Variants in TTC28 observed in about 807,000 individuals in gnomAD.
TTC28 encodes tetratricopeptide repeat protein 28.
A neutral mutation model predicts 198.0 loss-of-function variants in TTC28; 61 were observed. The ratio of observed to expected loss-of-function variants is 0.31; its 90% CI spans 0.25 to 0.38. The LOEUF (loss-of-function observed/expected upper bound fraction) is 0.38, where lower values mean the gene tolerates loss of function less well. Among genes scored for constraint, TTC28 ranks in the 10% least tolerant of loss-of-function variants. The pLI, the probability that TTC28 is intolerant of heterozygous loss-of-function variation, is 1.00. For missense variants in TTC28, 2,678 were observed against 3,164.0 expected, an observed-to-expected ratio of 0.85 and a Z score of 3.69; for synonymous variants, 1,171 against 1,297.8, an observed-to-expected ratio of 0.90 and a Z score of 2.10.
chr22:28,019,990 ACTC>A (rs948323784), intron 13 of TTC28, among the ~76,000 whole-genome samples: 7 of 152,118 alleles, frequency 4.6e-5, no homozygotes, highest in African/African-American at 1.4e-4. Flanking sequence ...CTGTGAGGTT[ACTC>A]CTCCTCTTCA....
chr22:28,166,187 G>A (rs2147066340), intron 5 of TTC28, among the ~76,000 whole-genome samples: 1 of 152,198 alleles, frequency 6.6e-6, no homozygotes, highest in Non-Finnish European at 1.5e-5. Context: ...AGCCCTTAGT[G>A]GCCTACAAAG....
intron 2 of TTC28, among the ~76,000 whole-genome samples, chr22:28,422,811 T>C (rs2146176688): frequency 6.6e-6 from 1 of 152,310 alleles, no homozygotes; most frequent in Admixed American, 6.5e-5. Context: ...CAGATGAATT[T>C]CTTATTTTGC....
intron 2 of TTC28, among the ~76,000 whole-genome samples, chr22:28,445,179 A>G (rs2146239471): frequency 6.6e-6 from 1 of 152,236 alleles, no homozygotes; most frequent in East Asian, 1.9e-4. Flanking sequence ...TACTGCTGAC[A>G]TCTGAAGCCA....
intron 2 of TTC28, among the ~76,000 whole-genome samples, chr22:28,616,411 A>G (rs946888395): frequency 6.6e-6 from 1 of 152,216 alleles, no homozygotes; most frequent in African/African-American, 2.4e-5. Context: ...ATATTTTATT[A>G]CTATTATAAT....
At chr22:28,145,181 G>A (rs561613167) in intron 6 of TTC28, among the ~76,000 whole-genome samples, 47 of 152,208 alleles carry the variant, frequency 3.1e-4, no homozygotes, top group Non-Finnish European at 5.6e-4. Context: ...ATATTAATAC[G>A]GCTCTAGTCA....
At chr22:28,082,627 T>C (rs976457788) in intron 12 of TTC28, among the ~76,000 whole-genome samples, 1 of 152,228 alleles carries the variant, frequency 6.6e-6, no homozygotes, top group African/African-American at 2.4e-5. Flanking sequence ...ATCCTTTTAA[T>C]GTATTATTGA....
chr22:28,378,285 G>T (rs951678538), intron 2 of TTC28, among the ~76,000 whole-genome samples: 1 of 148,438 alleles, frequency 6.7e-6, no homozygotes. Context: ...GGCGGAGGTT[G>T]CAGTGAGCCA....
chr22:27,983,554 C>T lies in TTC28; in HGVS notation c.6113G>A (p.Arg2038Lys). The T allele has an allele frequency of 6.4e-7, 1 of 1,551,294 alleles. No homozygotes were observed. The highest frequency in any genetic ancestry group is 1.2e-5 in the South Asian group (1 of 84,016). ...GCGGGTCTGGGGAGGCAGCTGGCTCCTAGGCAGGGTGGATCTCTGCAGGTA... is the reference window on the plus strand; with the variant it reads ...GCGGGTCTGGGGAGGCAGCTGGCTCTTAGGCAGGGTGGATCTCTGCAGGTA... The part of the protein sequence containing the change: ...NAYLQRSTLP[R>K]SQLPPQTRPA... The change falls in exon 23 of 23, where the codon AGG becomes AAG. Residue 2038 changes from arginine to lysine, a missense_variant. Around this residue, in one of 8 missense-constraint regions of TTC28, gnomAD observed 622 missense variants for 656.0 expected, o/e 0.95. Transcript: ENST00000397906.
intron 2 of TTC28, among the ~76,000 whole-genome samples, chr22:28,564,385 C>T (rs900178699): frequency 2.6e-5 from 4 of 152,050 alleles, no homozygotes; most frequent in African/African-American, 9.7e-5. Flanking sequence ...TTACAAGATA[C>T]CACATCAAAC....
chr22:28,369,749 T>G (rs1451763190), intron 2 of TTC28, among the ~76,000 whole-genome samples: 1 of 152,220 alleles, frequency 6.6e-6, no homozygotes, highest in African/African-American at 2.4e-5. Flanking sequence ...ACCATTTATA[T>G]AGAACTCCCT....
chr22:28,109,500 C>T (rs1942423277), intron 6 of TTC28, among the ~76,000 whole-genome samples: 1 of 152,218 alleles, frequency 6.6e-6, no homozygotes, highest in Admixed American at 6.5e-5. Flanking sequence ...TCTTGTAATT[C>T]TGCTATACTG....
intron 2 of TTC28, among the ~76,000 whole-genome samples, chr22:28,590,447 C>T (rs1470580066): frequency 6.6e-6 from 1 of 152,038 alleles, no homozygotes; most frequent in Non-Finnish European, 1.5e-5. Context: ...CTAAATCTTA[C>T]AGGAGGCTTC....
Position 28,163,645 on chromosome 22 carries a change from G to T in TTC28, c.934-46C>A, listed in dbSNP as rs559885317. On this transcript the variant is annotated intron_variant, in intron 5 of 22. Transcript: ENST00000397906. ...TGGAGAAATGAAAACACATCAGAAT[G>T]GTTTTGGTATATTTTGGCAGATAAA... 1.6e-4 allele frequency: 236 copies of T among 1,468,778 alleles called. 1 individual carries two copies. In the African/African-American group the frequency reaches 3.0e-3, roughly 19 times the overall value. The allele number at this position is 1,468,778 out of a possible 1,614,324, so 91.0% of individuals were successfully genotyped here.
At chr22:28,123,243 T>A (rs1942832849) in intron 6 of TTC28, among the ~76,000 whole-genome samples, 1 of 151,952 alleles carries the variant, frequency 6.6e-6, no homozygotes, top group Non-Finnish European at 1.5e-5. Context: ...GTTTCAGGTT[T>A]TTTTTTTTGT....
intron 18 of TTC28, chr22:27,992,923 AC>A: frequency 3.8e-6 from 2 of 525,666 alleles, no homozygotes; most frequent in South Asian, 2.6e-5. Flanking sequence ...AGGCAGCACC[AC>A]CCCTAGTCAA....
chr22:28,113,057 A>G (rs1298538198), intron 6 of TTC28, among the ~76,000 whole-genome samples: 4 of 152,244 alleles, frequency 2.6e-5, no homozygotes, highest in Non-Finnish European at 5.9e-5. Context: ...TGCCTCAGAC[A>G]TAGTAAGTGC....
intron 5 of TTC28, among the ~76,000 whole-genome samples, chr22:28,190,765 C>G (rs1924657163): frequency 6.6e-6 from 1 of 152,216 alleles, no homozygotes; most frequent in African/African-American, 2.4e-5. Context: ...GACCCCATCA[C>G]TGCCCACATC....
intron 5 of TTC28, among the ~76,000 whole-genome samples, chr22:28,190,131 A>G (rs1293694889): frequency 6.6e-6 from 1 of 152,226 alleles, no homozygotes; most frequent in African/African-American, 2.4e-5. Context: ...TTCAAAGCCA[A>G]GCTGGCTGTG....
intron 2 of TTC28, among the ~76,000 whole-genome samples, chr22:28,618,823 T>C (rs2050944843): frequency 6.6e-6 from 1 of 152,000 alleles, no homozygotes; most frequent in African/African-American, 2.4e-5. Context: ...TGCTTGCTTA[T>C]AGTAAATGCC....
Sources: gnomAD v4.1 joint callset for allele counts (sites outside exome capture counted in the v4.1 genomes callset) on GRCh38, gnomAD v4.1.1 for gene constraint, gnomAD v4.1.1 regional missense constraint, MANE v1.5 for transcripts, NCBI Gene and HGNC (gene_info 2026-07-23, HGNC 2026-07-21) for gene names.